Variants in MMP26 observed in about 807,000 individuals in gnomAD.
The protein encoded by MMP26 is matrix metalloproteinase-26.
MMP26 carries 33 observed loss-of-function variants against 31.0 expected under a neutral mutation model. That is an observed-to-expected ratio of 1.06 (90% CI 0.81 to 1.42). MMP26 has a LOEUF of 1.42. Among genes scored for constraint, MMP26 ranks in the 40% most tolerant of loss-of-function variants. The pLI, the probability that MMP26 is intolerant of heterozygous loss-of-function variation, is 0.00. For synonymous variants in MMP26, 122 were observed against 114.9 expected, an observed-to-expected ratio of 1.06 and a Z score of -0.40; for missense variants, 347 against 316.1, an observed-to-expected ratio of 1.10 and a Z score of -0.74.
At position 4,867,572 on chromosome 11, in the gene MMP26, G is replaced by A. The variant is rs184919075; in HGVS notation, c.-145+100231G>A. 4.6e-5 allele frequency among the ~76,000 whole-genome samples: 7 copies of A among 151,952 alleles called. No individual in the cohort carries two copies. The East Asian group carries it at 1.4e-3, about 30-fold the overall frequency. Reference sequence around the variant, plus strand: ...CGTCTGGCTAATTTTTGTATTTTTAGTAGAGATGGGGTTTCACCATGTTGG... The same window carrying A: ...CGTCTGGCTAATTTTTGTATTTTTAATAGAGATGGGGTTTCACCATGTTGG... On this transcript the variant is annotated intron_variant, in intron 2 of 7. Transcript: ENST00000380390.
chr11:4,713,146 A>G (rs1589881185), intron 1 of MMP26, among the ~76,000 whole-genome samples: 1 of 152,050 alleles, frequency 6.6e-6, no homozygotes, highest in South Asian at 2.1e-4. Context: ...GAAAACTGCA[A>G]TATATTAGGG....
At chr11:4,826,072 G>A (rs1049210269) in intron 2 of MMP26, among the ~76,000 whole-genome samples, 3 of 152,180 alleles carry the variant, frequency 2.0e-5, no homozygotes, top group South Asian at 4.1e-4. Flanking sequence ...CACCTAAGGA[G>A]GATTCCTTCC....
At chr11:4,874,565 G>GGTGTGTGTGTGT (rs35692032) in intron 2 of MMP26, among the ~76,000 whole-genome samples, 166 of 149,144 alleles carry the variant, frequency 1.1e-3, no homozygotes, top group African/African-American at 2.2e-3. Context: ...GTGGTGTGTT[G>GGTGTGTGTGTGT]GTGTGTGTGT....
chr11:4,872,032 T>C (rs1271496943), intron 2 of MMP26, among the ~76,000 whole-genome samples: 7 of 152,124 alleles, frequency 4.6e-5, no homozygotes, highest in Non-Finnish European at 1.0e-4. Flanking sequence ...TGGGATCTGG[T>C]ACAAGTTAAC....
chr11:4,812,676 A>G (rs191759572), intron 2 of MMP26, among the ~76,000 whole-genome samples: 6 of 152,352 alleles, frequency 3.9e-5, no homozygotes, highest in African/African-American at 1.2e-4. Flanking sequence ...GACATAAGAT[A>G]CGCATAGAGT....
At chr11:4,729,881 G>A (rs766262764) in intron 1 of MMP26, among the ~76,000 whole-genome samples, 5 of 151,928 alleles carry the variant, frequency 3.3e-5, no homozygotes, top group Admixed American at 6.6e-5. Context: ...GATGACCTAC[G>A]TGATGCATCG....
At chr11:4,798,256 T>C (rs1319346398) in intron 2 of MMP26, among the ~76,000 whole-genome samples, 1 of 152,196 alleles carries the variant, frequency 6.6e-6, no homozygotes, top group African/African-American at 2.4e-5. Context: ...CCTGGACCTT[T>C]CTTTCCTTCC....
At chr11:4,862,228 A>C (rs908619614) in intron 2 of MMP26, among the ~76,000 whole-genome samples, 17 of 152,130 alleles carry the variant, frequency 1.1e-4, no homozygotes, top group Non-Finnish European at 2.5e-4. Context: ...CTTTCTTTCC[A>C]GTGAGTATAG....
At chr11:4,769,707 T>C (rs781216499) in intron 2 of MMP26, 4 of 1,613,222 alleles carry the variant, frequency 2.5e-6, no homozygotes, top group Non-Finnish European at 2.5e-6. Flanking sequence ...CCCAGATCAG[T>C]GGCTGATAGC....
Position 4,955,559 on chromosome 11 carries a change from T to C in MMP26, c.-144-32509T>C, listed in dbSNP as rs1313880889. On this transcript the variant is annotated intron_variant, in intron 2 of 7. Coordinates refer to ENST00000380390, the MANE Select transcript of MMP26 (RefSeq NM_021801.5). ...GGGCCCATGCAAGGAGGGCTCTGTCTTGATGATAAAAAGAATGGTGCCATT... is the reference window on the plus strand; with the variant it reads ...GGGCCCATGCAAGGAGGGCTCTGTCCTGATGATAAAAAGAATGGTGCCATT... 5 of 1,369,064 alleles carry C rather than the reference T, an allele frequency of 3.7e-6. No homozygotes were observed. The highest frequency in any genetic ancestry group is 2.9e-5 in the African/African-American group (2 of 68,860). The allele number at this position is 1,369,064 out of a possible 1,614,324, so 84.8% of individuals were successfully genotyped here. A position where few individuals can be genotyped will look rare whatever the true frequency, so the allele number is the denominator to read the frequency against.
intron 2 of MMP26, among the ~76,000 whole-genome samples, chr11:4,974,086 A>G (rs1380948076): frequency 1.3e-5 from 2 of 152,092 alleles, no homozygotes; most frequent in Non-Finnish European, 2.9e-5. Flanking sequence ...CCGAGAAAAA[A>G]TAATGCAAAT....
At chr11:4,739,808 T>G (rs1848288252) in intron 1 of MMP26, among the ~76,000 whole-genome samples, 1 of 152,198 alleles carries the variant, frequency 6.6e-6, no homozygotes, top group Non-Finnish European at 1.5e-5. Context: ...CTAAGGCTGC[T>G]CAGTTTTGAA....
intron 2 of MMP26, among the ~76,000 whole-genome samples, chr11:4,789,507 C>T (rs1848992374): frequency 7.2e-6 from 1 of 137,988 alleles, no homozygotes; most frequent in Non-Finnish European, 1.5e-5. Flanking sequence ...AGTTGATTTC[C>T]TGAAGGTAAA....
At chr11:4,890,330 G>T (rs1850600757) in intron 2 of MMP26, 3 of 159,098 alleles carry the variant, frequency 1.9e-5, no homozygotes, top group South Asian at 1.7e-4. Flanking sequence ...CTGTGGCATT[G>T]AATACAAAGA....
At chr11:4,734,777 G>A (rs7117942) in intron 1 of MMP26, among the ~76,000 whole-genome samples, 32 of 151,872 alleles carry the variant, frequency 2.1e-4, no homozygotes, top group African/African-American at 7.3e-4. Context: ...GCAGGGCATA[G>A]GCAGAATAGC....
At chr11:4,943,916 C>A in intron 2 of MMP26, 1 of 428,778 alleles carries the variant, frequency 2.3e-6, no homozygotes, top group Non-Finnish European at 4.6e-6. Context: ...CATCTATGTA[C>A]AATATCCTGA....
rs945193839 is a variant in MMP26, at chr11:4,948,293, A to G, written c.-144-39775A>G. Reference sequence around the variant, plus strand: ...TTTACTTACTGAGTTCCATTACCAGATGATGATTTGGAATCTTGAAATTTT... The same window carrying G: ...TTTACTTACTGAGTTCCATTACCAGGTGATGATTTGGAATCTTGAAATTTT... On this transcript the variant is annotated intron_variant, in intron 2 of 7. Coordinates refer to ENST00000380390, the MANE Select transcript of MMP26 (RefSeq NM_021801.5). Among the ~76,000 whole-genome samples, 6 of 124,894 alleles carry G rather than the reference A, an allele frequency of 4.8e-5. 1 individual carries two copies. The highest frequency in any genetic ancestry group is 1.6e-4 in the African/African-American group (6 of 36,838). 81.9% of individuals were successfully genotyped at this position (124,894 alleles called of 152,430 possible). A position where few individuals can be genotyped will look rare whatever the true frequency, so the allele number is the denominator to read the frequency against.
At chr11:4,882,116 C>T (rs748659206) in intron 2 of MMP26, 2 of 1,613,954 alleles carry the variant, frequency 1.2e-6, no homozygotes, top group South Asian at 2.2e-5. Context: ...AGCTGTTGAT[C>T]TATGTCTGAC....
In MMP26 at chr11:4,989,716, G is replaced by A. The variant is rs745600608; in HGVS notation, c.168G>A (p.Gln56=). The A allele has an allele frequency of 3.4e-5, 55 of 1,613,734 alleles. No individual in the cohort carries two copies. The highest frequency in any genetic ancestry group is 3.3e-4 in the Admixed American group (20 of 59,980). The stretch of plus-strand genomic sequence containing the variant: ...TCCTTACCCAGGAGACACAAACACA[G>A]CTCCTGCAACAATTCCATCGGAATG... ...SPLLTQETQT[Q]LLQQFHRNGT... Residue 56 remains glutamine, a synonymous_variant, in exon 4 of 8, where the codon CAG becomes CAA. Transcript: ENST00000380390.
Sources: gnomAD v4.1 joint callset for allele counts (sites outside exome capture counted in the v4.1 genomes callset) on GRCh38, gnomAD v4.1.1 for gene constraint, MANE v1.5 for transcripts, NCBI Gene and HGNC (gene_info 2026-07-23, HGNC 2026-07-21) for gene names.